CDH13: variants seen among roughly 807,000 people sequenced by gnomAD.
The protein encoded by CDH13 is cadherin 13.
In CDH13, 24 loss-of-function variants were observed where a neutral mutation model predicts 63.8. The observed-to-expected ratio is 0.38, with a 90% confidence interval of 0.27 to 0.53. The LOEUF (loss-of-function observed/expected upper bound fraction) is 0.53. Among genes scored for constraint, CDH13 ranks in the 20% least tolerant of loss-of-function variants. The pLI, the probability that CDH13 is intolerant of heterozygous loss-of-function variation, is 0.85. For synonymous variants in CDH13, 503 were observed against 355.3 expected (o/e 1.42, Z -4.67); for missense variants, 1,049 against 903.1 (o/e 1.16, Z -2.07).
At chr16:83,230,630 C>G (rs1380122388) in intron 5 of CDH13, among the ~76,000 whole-genome samples, 1 of 152,088 alleles carries the variant, frequency 6.6e-6, no homozygotes, top group Non-Finnish European at 1.5e-5. Flanking sequence ...CTACTAAAAA[C>G]ACAAAAATTA....
At chr16:83,596,116 C>T (rs1328954075) in intron 7 of CDH13, among the ~76,000 whole-genome samples, 1 of 152,160 alleles carries the variant, frequency 6.6e-6, no homozygotes, top group Non-Finnish European at 1.5e-5. Flanking sequence ...AGGGAGAATA[C>T]AACTTGATCT....
intron 7 of CDH13, among the ~76,000 whole-genome samples, chr16:83,524,798 C>G (rs777707403): frequency 9.2e-5 from 14 of 152,122 alleles, no homozygotes; most frequent in Non-Finnish European, 2.1e-4. Context: ...GAGGTCTTGG[C>G]AAACCTGTAG....
chr16:82,689,797 T>C (rs1915452089), intron 1 of CDH13, among the ~76,000 whole-genome samples: 1 of 151,788 alleles, frequency 6.6e-6, no homozygotes, highest in Admixed American at 6.6e-5. Flanking sequence ...GGAGCAAACA[T>C]AGCTTCTGAA....
At chr16:83,013,829 C>G (rs558472351) in intron 2 of CDH13, among the ~76,000 whole-genome samples, 1 of 152,210 alleles carries the variant, frequency 6.6e-6, no homozygotes, top group South Asian at 2.1e-4. Flanking sequence ...AGGTTTTATT[C>G]TAGTGAGAGA....
chr16:83,646,817 G>C (rs56226113), intron 8 of CDH13, among the ~76,000 whole-genome samples: 1 of 151,164 alleles, frequency 6.6e-6, no homozygotes, highest in Admixed American at 6.6e-5. Context: ...AGTAACCGCA[G>C]AGCCATGAGA....
rs10528183 is a variant in CDH13, at chr16:82,787,841, A to AGTGTGTGTGTGTGTGTGTGTGT, written c.46-70510_46-70509insTGTGTGTGTGTGTGTGTGTGTG. Among the ~76,000 whole-genome samples, 697 of 146,502 alleles carry AGTGTGTGTGTGTGTGTGTGTGT rather than the reference A, an allele frequency of 4.8e-3. 2 individuals are homozygous for AGTGTGTGTGTGTGTGTGTGTGT. Among genetic ancestry groups the AGTGTGTGTGTGTGTGTGTGTGT allele is most frequent in the Non-Finnish European group, 5.1e-3 (343 of 66,818 alleles). On this transcript the variant is annotated intron_variant, in intron 1 of 13. Coordinates refer to ENST00000567109, the MANE Select transcript of CDH13 (RefSeq NM_001257.5). Reference sequence around the variant, plus strand: ...TGTATGGAGGGGGGTGAAGGGAGGAAGTGTGTGTGTGATCTCAAAAGCCAT... The same window carrying AGTGTGTGTGTGTGTGTGTGTGT: ...TGTATGGAGGGGGGTGAAGGGAGGAAGTGTGTGTGTGTGTGTGTGTGTGTGTGTGTGTGATCTCAAAAGCCAT...
At chr16:83,136,459 C>T (rs1358709660) in intron 4 of CDH13, among the ~76,000 whole-genome samples, 1 of 145,490 alleles carries the variant, frequency 6.9e-6, no homozygotes, top group East Asian at 2.0e-4. Context: ...GCACTCCAGC[C>T]TGGGCGACAG....
intron 3 of CDH13, among the ~76,000 whole-genome samples, chr16:83,043,830 CAAA>C (rs11342221): frequency 7.4e-6 from 1 of 134,478 alleles, no homozygotes. Context: ...GACTCTATCT[CAAA>C]AAAAAAAAAA....
At chr16:83,511,110 A>G (rs1338439677) in intron 7 of CDH13, among the ~76,000 whole-genome samples, 4 of 103,804 alleles carry the variant, frequency 3.9e-5, no homozygotes, top group African/African-American at 1.2e-4. Flanking sequence ...ACATGCACGC[A>G]TGCACACACA....
chr16:82,996,468 G>A (rs1011388262), intron 2 of CDH13, among the ~76,000 whole-genome samples: 2 of 152,006 alleles, frequency 1.3e-5, no homozygotes, highest in East Asian at 3.9e-4. Context: ...TCTCTCTGCC[G>A]GGCTAGTCTC....
At chr16:82,828,791 A>T (rs1348100660) in intron 1 of CDH13, among the ~76,000 whole-genome samples, 1 of 152,204 alleles carries the variant, frequency 6.6e-6, no homozygotes, top group Non-Finnish European at 1.5e-5. Flanking sequence ...ATTAGGTATT[A>T]TATAAGTAAT....
chr16:83,132,985 G>C (rs140275312), intron 4 of CDH13, among the ~76,000 whole-genome samples: 102 of 152,266 alleles, frequency 6.7e-4, no homozygotes, highest in Admixed American at 4.3e-3. Flanking sequence ...CTTAGGAGCA[G>C]CCCACATTCA....
rs1261560217 is a variant in CDH13 at position 83,015,703 on chromosome 16, A to G, written c.158-16307A>G. Reference sequence around the variant, plus strand: ...TATATATATATATATATATATATATATATATATATATATATATATAAAGAA... The same window carrying G: ...TATATATATATATATATATATATATGTATATATATATATATATATAAAGAA... On this transcript the variant is annotated intron_variant, in intron 2 of 13. Transcript: ENST00000567109. Among the ~76,000 whole-genome samples, 15 of 118,856 alleles carry G rather than the reference A, an allele frequency of 1.3e-4. 2 individuals are homozygous for G. The highest frequency in any genetic ancestry group is 5.9e-4 in the Admixed American group (7 of 11,772). The allele number at this position is 118,856 out of a possible 152,430, so 78.0% of individuals were successfully genotyped here.
intron 1 of CDH13, among the ~76,000 whole-genome samples, chr16:82,734,860 C>T (rs931720469): frequency 3.9e-5 from 6 of 152,158 alleles, no homozygotes; most frequent in Admixed American, 6.5e-5. Flanking sequence ...AAGCTGAGAG[C>T]CGAGGGCTGC....
intron 1 of CDH13, among the ~76,000 whole-genome samples, chr16:82,681,055 T>C (rs1914486969): frequency 6.6e-6 from 1 of 152,188 alleles, no homozygotes; most frequent in Non-Finnish European, 1.5e-5. Flanking sequence ...AGCAGGTCTG[T>C]TCTGGCATGG....
intron 10 of CDH13, among the ~76,000 whole-genome samples, chr16:83,711,508 G>T (rs527952369): frequency 7.2e-5 from 11 of 151,946 alleles, no homozygotes; most frequent in African/African-American, 1.2e-4. Flanking sequence ...TTATTTTTTG[G>T]TTTTTTTGTT....
At chr16:83,244,407 G>C (rs1904778771) in intron 5 of CDH13, among the ~76,000 whole-genome samples, 1 of 152,164 alleles carries the variant, frequency 6.6e-6, no homozygotes, top group African/African-American at 2.4e-5. Context: ...AAGTTTATCA[G>C]CAGTAAGAAG....
intron 10 of CDH13, among the ~76,000 whole-genome samples, chr16:83,679,386 G>C (rs1181782438): frequency 6.6e-6 from 1 of 152,122 alleles, no homozygotes; most frequent in African/African-American, 2.4e-5. Context: ...TCAAGTATTG[G>C]ACACACTTAA....
Position 83,485,665 on chromosome 16 carries a change from G to T in CDH13, c.782-812G>T, listed in dbSNP as rs535328918. Among the ~76,000 whole-genome samples, 7 of 152,202 alleles carry T rather than the reference G, an allele frequency of 4.6e-5. No homozygotes were observed. The South Asian group carries it at 1.5e-3, about 32-fold the overall frequency. On this transcript the variant is annotated intron_variant, in intron 6 of 13. Coordinates refer to ENST00000567109, the MANE Select transcript of CDH13 (RefSeq NM_001257.5). ...ACACCTTTGTGCAAACCCCAGACTA[G>T]ATAAGGTTGTTCATCTCTGTATTCA...
Sources: allele counts gnomAD v4.1 joint callset (sites outside exome capture counted in the v4.1 genomes callset), GRCh38; gene constraint gnomAD v4.1.1; transcripts MANE v1.5; gene names NCBI Gene and HGNC (gene_info 2026-07-23, HGNC 2026-07-21).